UNC5C: variants seen among roughly 807,000 people sequenced by gnomAD.
UNC5C encodes unc-5 netrin receptor C.
A neutral mutation model predicts 99.8 loss-of-function variants in UNC5C; 47 were observed. That is an observed-to-expected ratio of 0.47 (90% CI 0.37 to 0.60). UNC5C has a LOEUF of 0.60. UNC5C is among the 20% of genes least tolerant of loss of function. The probability of loss-of-function intolerance (pLI) is 0.00; values close to 1 mark genes in which losing one functional copy is unlikely to be tolerated. For synonymous variants in UNC5C, 487 were observed against 452.2 expected (o/e 1.08, Z -0.98); for missense variants, 1,062 against 1,165.9 (o/e 0.91, Z 1.30).
intron 1 of UNC5C, among the ~76,000 whole-genome samples, chr4:95,385,523 TC>T (rs1174809045): frequency 2.6e-5 from 4 of 152,118 alleles, no homozygotes; most frequent in Non-Finnish European, 5.9e-5. Context: ...ATCAAAAGTG[TC>T]CACTGCTATC....
At chr4:95,379,480 T>C (rs914102184) in intron 1 of UNC5C, among the ~76,000 whole-genome samples, 2 of 152,212 alleles carry the variant, frequency 1.3e-5, no homozygotes, top group African/African-American at 4.8e-5. Context: ...TTCATGAATC[T>C]TTCCCATTTC....
At chr4:95,426,377 G>T (rs2149458595) in intron 1 of UNC5C, among the ~76,000 whole-genome samples, 1 of 152,150 alleles carries the variant, frequency 6.6e-6, no homozygotes, top group African/African-American at 2.4e-5. Context: ...TCTCTCTTCA[G>T]GCCTTCCTAT....
At chr4:95,406,560 T>A (rs1322957623) in intron 1 of UNC5C, among the ~76,000 whole-genome samples, 1 of 152,162 alleles carries the variant, frequency 6.6e-6, no homozygotes, top group Non-Finnish European at 1.5e-5. Context: ...TGATTCACAG[T>A]CCAAATTTAT....
intron 1 of UNC5C, among the ~76,000 whole-genome samples, chr4:95,429,618 T>C (rs1746579549): frequency 6.6e-6 from 1 of 152,174 alleles, no homozygotes; most frequent in South Asian, 2.1e-4. Context: ...GTTTGTATAC[T>C]GACACGAATC....
intron 1 of UNC5C, among the ~76,000 whole-genome samples, chr4:95,527,458 A>C (rs1722527969): frequency 6.6e-6 from 1 of 152,128 alleles, no homozygotes; most frequent in Non-Finnish European, 1.5e-5. Flanking sequence ...CCTGATACTT[A>C]ATTGGTAAGC....
rs1190539989 is a variant in UNC5C at position 95,170,284 on chromosome 4, T to C, written c.2500A>G (p.Thr834Ala). The C allele has an allele frequency of 6.2e-7, 1 of 1,614,022 alleles. No homozygotes were observed. Among genetic ancestry groups the C allele is most frequent in the Admixed American group, 1.7e-5 (1 of 59,996 alleles). Residue 834 changes from threonine (T) to alanine (A), a missense_variant, in exon 15 of 16, where the codon ACC becomes GCC. By Grantham distance (58) the Thr-to-Ala change is moderately conservative. Transcript: ENST00000453304. ...LPLLDPANTI[T>A]TVTGPSAFSI... ...AAAGCACTGGGCCCCGTGACCGTGG[T>C]GATGGTGTTCGCAGGATCCAGCAGC...
At chr4:95,505,881 C>T (rs1721905507) in intron 1 of UNC5C, among the ~76,000 whole-genome samples, 1 of 151,950 alleles carries the variant, frequency 6.6e-6, no homozygotes, top group South Asian at 2.1e-4. Context: ...TTTATCTTGT[C>T]TTTGAGGAAG....
intron 1 of UNC5C, among the ~76,000 whole-genome samples, chr4:95,506,755 T>C (rs1217889739): frequency 6.6e-6 from 1 of 151,854 alleles, no homozygotes; most frequent in South Asian, 2.1e-4. Flanking sequence ...TTCATATATA[T>C]ACACACAATA....
At chr4:95,416,734 G>A (rs1384933245) in intron 1 of UNC5C, among the ~76,000 whole-genome samples, 2 of 152,132 alleles carry the variant, frequency 1.3e-5, no homozygotes, top group African/African-American at 4.8e-5. Context: ...CCAAATCACA[G>A]AGCAGCAGAA....
intron 12 of UNC5C, among the ~76,000 whole-genome samples, chr4:95,190,429 T>C (rs1737031515): frequency 6.6e-6 from 1 of 152,186 alleles, no homozygotes; most frequent in African/African-American, 2.4e-5. Context: ...ACATGGCACA[T>C]GTATACATAT....
intron 1 of UNC5C, among the ~76,000 whole-genome samples, chr4:95,470,919 G>T: frequency 6.6e-6 from 1 of 151,798 alleles, no homozygotes; most frequent in East Asian, 1.9e-4. Context: ...TTTTCAACAA[G>T]ATTAATGGTA....
intron 1 of UNC5C, among the ~76,000 whole-genome samples, chr4:95,489,205 G>A (rs763653090): frequency 2.0e-4 from 31 of 151,600 alleles, no homozygotes; most frequent in Non-Finnish European, 4.1e-4. Flanking sequence ...CAGACATGAC[G>A]ATAGGGTGAC....
At chr4:95,321,967 C>T (rs1742708951) in intron 2 of UNC5C, among the ~76,000 whole-genome samples, 1 of 152,160 alleles carries the variant, frequency 6.6e-6, no homozygotes, top group Non-Finnish European at 1.5e-5. Flanking sequence ...ATAAGTACCT[C>T]TGAGAAAGAA....
chr4:95,531,309 G>T (rs1271015292), intron 1 of UNC5C, among the ~76,000 whole-genome samples: 1 of 152,108 alleles, frequency 6.6e-6, no homozygotes, highest in African/African-American at 2.4e-5. Flanking sequence ...ATAATTACAG[G>T]TCTGTCTCCT....
chr4:95,261,949 G>C (rs578100183), intron 4 of UNC5C, among the ~76,000 whole-genome samples: 5 of 152,008 alleles, frequency 3.3e-5, no homozygotes, highest in Non-Finnish European at 7.4e-5. Flanking sequence ...ATGATCTGCC[G>C]GCCTCAGCCT....
intron 11 of UNC5C, among the ~76,000 whole-genome samples, 159 bp from the exon 12 acceptor site, chr4:95,203,123 CTCTT>C (rs999335076): frequency 3.9e-5 from 6 of 152,180 alleles, no homozygotes; most frequent in African/African-American, 9.6e-5. Flanking sequence ...ATCATTCTGT[CTCTT>C]TCTACCATTG....
intron 3 of UNC5C, among the ~76,000 whole-genome samples, chr4:95,284,644 A>G (rs985401542): frequency 1.3e-5 from 2 of 152,212 alleles, no homozygotes; most frequent in Non-Finnish European, 2.9e-5. Flanking sequence ...AATTCTTTGT[A>G]TAAATCCTGG....
At chr4:95,194,856 T>C (rs1737313211) in intron 12 of UNC5C, among the ~76,000 whole-genome samples, 1 of 152,204 alleles carries the variant, frequency 6.6e-6, no homozygotes, top group African/African-American at 2.4e-5. Context: ...CTGTTTTCTT[T>C]CTGTTTTCTC....
intron 8 of UNC5C, 62 bp from the exon 9 acceptor site, chr4:95,219,375 C>T (rs1738381704): frequency 4.7e-6 from 7 of 1,494,922 alleles, no homozygotes; most frequent in Non-Finnish European, 5.5e-6. Flanking sequence ...CTACATTAGT[C>T]AGACTCCCCC....
Sources: gnomAD v4.1 joint callset for allele counts (sites outside exome capture counted in the v4.1 genomes callset) on GRCh38, gnomAD v4.1.1 for gene constraint, MANE v1.5 for transcripts, NCBI Gene and HGNC (gene_info 2026-07-23, HGNC 2026-07-21) for gene names.